The following LPP variants were observed in gnomAD, a reference collection of about 807,000 sequenced individuals.
LPP encodes the protein lipoma-preferred partner.
In LPP, 38 loss-of-function variants were observed where a neutral mutation model predicts 60.4. The ratio of observed to expected loss-of-function variants is 0.63; its 90% confidence interval spans 0.49 to 0.83. The LOEUF is 0.83. Ranked by LOEUF, LPP falls within the 40% of genes least tolerant of loss-of-function variation. The pLI is 0.00. For missense variants in LPP, 902 were observed against 783.6 expected (o/e 1.15, Z -1.80); for synonymous variants, 328 against 290.8 (o/e 1.13, Z -1.30).
intron 5 of LPP, among the ~76,000 whole-genome samples, chr3:188,496,891 T>C (rs1035304355): frequency 1.3e-5 from 2 of 152,144 alleles, no homozygotes; most frequent in African/African-American, 4.8e-5. Flanking sequence ...TTTTCATAAT[T>C]TTTAGTTAGT....
At chr3:188,865,519 A>T (rs188233941) in intron 9 of LPP, among the ~76,000 whole-genome samples, 5 of 152,348 alleles carry the variant, frequency 3.3e-5, no homozygotes, top group Admixed American at 3.3e-4. Flanking sequence ...TGTAAAAAGT[A>T]GGGGTCTTAG....
chr3:188,667,008 C>T (rs1271209701), intron 7 of LPP, among the ~76,000 whole-genome samples: 4 of 152,096 alleles, frequency 2.6e-5, no homozygotes, highest in African/African-American at 9.7e-5. Context: ...AAAGTTATCA[C>T]TTTCTTAAGA....
chr3:188,675,443 A>C (rs547887732), intron 7 of LPP, among the ~76,000 whole-genome samples: 50 of 152,370 alleles, frequency 3.3e-4, no homozygotes, highest in Middle Eastern at 6.8e-3. Flanking sequence ...GGTGGGGCTA[A>C]GACTGTGAAT....
chr3:188,817,745 C>A (rs1752855333), intron 9 of LPP, among the ~76,000 whole-genome samples: 3 of 152,080 alleles, frequency 2.0e-5, no homozygotes, highest in Admixed American at 6.5e-5. Context: ...AATGGAAAAC[C>A]AGATCCTGTG....
At position 188,234,022 on chromosome 3, in the gene LPP, A is replaced by G. The variant is rs192197824; in HGVS notation, c.-67+8495A>G. On this transcript the variant is annotated intron_variant, in intron 2 of 11. Coordinates refer to ENST00000617246, the MANE Select transcript of LPP (RefSeq NM_001375462.1). ...AAAGGCATACTTCACTGGTTCCCAC[A>G]AATAGCATCCTTCTGTAGCCTGCTC... is the stretch of plus-strand genomic sequence containing the variant. Among the ~76,000 whole-genome samples the G allele has an allele frequency of 5.3e-4, 81 of 152,222 alleles. No individual in the cohort carries two copies. In the East Asian group the frequency reaches 9.9e-3, roughly 19 times the overall value.
intron 2 of LPP, among the ~76,000 whole-genome samples, chr3:188,231,491 A>G (rs1719934664): frequency 6.6e-6 from 1 of 152,176 alleles, no homozygotes; most frequent in Non-Finnish European, 1.5e-5. Flanking sequence ...ACAAGTTTTC[A>G]ATTCATGCCG....
At chr3:188,442,318 C>T (rs558391541) in intron 4 of LPP, among the ~76,000 whole-genome samples, 1 of 152,250 alleles carries the variant, frequency 6.6e-6, no homozygotes, top group South Asian at 2.1e-4. Context: ...GTTCCCTTCC[C>T]CGTGTCCGTG....
chr3:188,614,838 T>A lies in LPP; in HGVS notation c.1113+4994T>A, dbSNP rs1844551915. Among the ~76,000 whole-genome samples the A allele has an allele frequency of 2.6e-5, 4 of 152,144 alleles. No individual in the cohort carries two copies. In the South Asian group the frequency reaches 6.2e-4, roughly 24 times the overall value. The stretch of plus-strand genomic sequence containing the variant: ...GTGGGCTTAGGCAGTCACCATGGCC[T>A]TTGGATAAAATCAGCGGTTGGAGGG... On this transcript the variant is annotated intron_variant, in intron 7 of 11. Coordinates refer to ENST00000617246, the MANE Select transcript of LPP (RefSeq NM_001375462.1).
chr3:188,327,417 T>C (rs1323581888), intron 2 of LPP, among the ~76,000 whole-genome samples: 1 of 151,966 alleles, frequency 6.6e-6, no homozygotes, highest in East Asian at 1.9e-4. Flanking sequence ...AGCTCCTTAA[T>C]GGATCCTTAT....
intron 9 of LPP, among the ~76,000 whole-genome samples, chr3:188,864,447 G>A (rs1766075891): frequency 6.6e-6 from 1 of 152,214 alleles, no homozygotes; most frequent in African/African-American, 2.4e-5. Context: ...CATAGTCTCT[G>A]CCCCTAATGA....
chr3:188,791,495 T>C (rs1411030449), intron 9 of LPP, among the ~76,000 whole-genome samples: 1 of 152,210 alleles, frequency 6.6e-6, no homozygotes, highest in Admixed American at 6.5e-5. Context: ...ATGTTCTGAA[T>C]GAATAGGCTC....
chr3:188,386,262 GCGCACACACACACACACACA>G (rs1778269978), intron 3 of LPP, among the ~76,000 whole-genome samples: 1 of 69,476 alleles, frequency 1.4e-5, no homozygotes, highest in African/African-American at 4.7e-5. Context: ...CATAGCATGC[GCGCACACACACACACACACA>G]CACACACACA....
intron 9 of LPP, among the ~76,000 whole-genome samples, chr3:188,862,251 A>G (rs1765357582): frequency 6.6e-6 from 1 of 152,192 alleles, no homozygotes; most frequent in South Asian, 2.1e-4. Context: ...ACACAACCTC[A>G]GACTATGGCT....
At chr3:188,429,491 A>G (rs2149131650) in intron 4 of LPP, among the ~76,000 whole-genome samples, 1 of 152,312 alleles carries the variant, frequency 6.6e-6, no homozygotes, top group East Asian at 1.9e-4. Context: ...GCCTTACTAT[A>G]TGGTGAAAGT....
Position 188,495,849 on chromosome 3 carries a change from A to G in LPP, c.306+11145A>G, listed in dbSNP as rs1178124047. On this transcript the variant is annotated intron_variant, in intron 5 of 11. Transcript: ENST00000617246. ...GAGTGAAAGGGAGTAGAGGATGCTG[A>G]CACCAAAAACCTAGGGCACTAACTC... Among the ~76,000 whole-genome samples the G allele has an allele frequency of 3.3e-5, 5 of 152,190 alleles. No homozygotes were observed. The East Asian group carries it at 9.6e-4, about 29-fold the overall frequency.
chr3:188,608,967 A>C (rs369415444), intron 6 of LPP, among the ~76,000 whole-genome samples, 194 bp from the exon 7 acceptor site: 30 of 152,242 alleles, frequency 2.0e-4, no homozygotes, highest in African/African-American at 6.3e-4. Context: ...ATTCGTCGGC[A>C]GTGCACAGAT....
intron 9 of LPP, among the ~76,000 whole-genome samples, chr3:188,831,854 T>C (rs1757215226): frequency 1.3e-5 from 2 of 152,220 alleles, no homozygotes; most frequent in Admixed American, 1.3e-4. Flanking sequence ...AGCCCTCCAT[T>C]TTCTGAGTAT....
At chr3:188,743,099 T>C (rs1381849108) in intron 8 of LPP, among the ~76,000 whole-genome samples, 2 of 152,212 alleles carry the variant, frequency 1.3e-5, no homozygotes, top group East Asian at 3.8e-4. Context: ...TTTTAAAGTT[T>C]GCTGAACCAT....
intron 5 of LPP, among the ~76,000 whole-genome samples, chr3:188,500,319 G>A (rs1188426824): frequency 6.6e-6 from 1 of 151,874 alleles, no homozygotes; most frequent in Non-Finnish European, 1.5e-5. Flanking sequence ...ATTGAATTTT[G>A]TCAAATGCTT....
Sources: allele counts gnomAD v4.1 joint callset (sites outside exome capture counted in the v4.1 genomes callset), GRCh38; gene constraint gnomAD v4.1.1; transcripts MANE v1.5; gene names NCBI Gene and HGNC (gene_info 2026-07-23, HGNC 2026-07-21).